PSAPL1: variants seen among roughly 807,000 people sequenced by gnomAD.
PSAPL1 encodes prosaposin like 1, also known as proactivator polypeptide-like 1.
For synonymous variants in PSAPL1, 351 were observed against 291.6 expected (o/e 1.20, Z -2.08); for missense variants, 814 against 688.8 (o/e 1.18, Z -2.03).
rs752804073 is a variant in PSAPL1 at position 7,433,506 on chromosome 4, G to A, written c.1374C>T (p.Asp458=). 18 of 1,603,812 alleles carry A rather than the reference G, an allele frequency of 1.1e-5. 1 individual carries two copies. In the East Asian group the frequency reaches 1.3e-4, roughly 12 times the overall value. Residue 458 remains aspartate, a synonymous_variant, in exon 1 of 1, where the codon GAC becomes GAT. Transcript: ENST00000319098. ...VLIESLKDMM[D]PVAVCKKVGA... ...CCACCTTCTTGCACACAGCCACGGG[G>A]TCCATCATGTCCTTGAGACTCTCAA...
rs1462896897 is a variant in PSAPL1, at chr4:7,433,896, C to T, written c.984G>A (p.Met328Ile). ...TGCACTCCTTCGTGATAGAGGCAGG[C>T]ATTACCGAGCACACGCGCTCCAGGG... is the stretch of plus-strand genomic sequence containing the variant. ...THALERVCSVMPASITKECII... is the reference protein window; with the variant it reads ...THALERVCSVIPASITKECII... The change falls in exon 1 of 1, where the codon ATG (methionine) becomes ATA (isoleucine). Residue 328 changes from methionine (M) to isoleucine (I), a missense_variant. By Grantham distance (10) the Met-to-Ile change is conservative (BLOSUM62 1). Transcript: ENST00000319098. The T allele has an allele frequency of 2.5e-6, 4 of 1,613,860 alleles. No individual in the cohort carries two copies. The highest frequency in any genetic ancestry group is 2.5e-6 in the Non-Finnish European group (3 of 1,179,892).
rs61738677 is a variant in PSAPL1, at chr4:7,433,759, G to T, written c.1121C>A (p.Ala374Glu). 192,224 of 1,613,146 alleles carry T rather than the reference G, an allele frequency of 0.12. 12,603 individuals carry two copies. The highest frequency in any genetic ancestry group is 0.22 in the Middle Eastern group (1,335 of 6,060). ...RLCGNRRRARAVHDAYAIVPS... is the reference protein window; with the variant it reads ...RLCGNRRRAREVHDAYAIVPS... ...CACGATGGCATAGGCATCATGGACT[G>T]CCCGGGCCCGCCTCCGGTTGCCACA... Residue 374 changes from alanine (A) to glutamate (E), a missense_variant, in exon 1 of 1, where the codon GCA becomes GAA. By Grantham distance (107) the Ala-to-Glu change is moderately radical. Transcript: ENST00000319098.
Position 7,431,419 on chromosome 4 carries a change from C to T in PSAPL1, c.*1895G>A, listed in dbSNP as rs1236732437. The T allele has an allele frequency of 6.6e-6, 1 of 152,316 alleles. No homozygotes were observed. Among genetic ancestry groups the T allele is most frequent in the Non-Finnish European group, 1.5e-5 (1 of 68,108 alleles). The allele number at this position is 152,316 out of a possible 1,614,324, so 9.4% of individuals were successfully genotyped here. A position where few individuals can be genotyped will look rare whatever the true frequency, so the allele number is the denominator to read the frequency against. ...CCTGTCGGGGGATTTCAGGTCATGT[C>T]ACACATACTTCCCGGTAGGCATCCT... On this transcript the variant is annotated 3_prime_UTR_variant, in exon 1 of 1. Coordinates refer to ENST00000319098, the MANE Select transcript of PSAPL1 (RefSeq NM_001085382.2).
rs1005953195 is a variant in PSAPL1, at chr4:7,434,549, C to T, written c.331G>A (p.Val111Met). 1.9e-6 allele frequency: 3 copies of T among 1,613,374 alleles called. No individual in the cohort carries two copies. Among genetic ancestry groups the T allele is most frequent in the Non-Finnish European group, 2.5e-6 (3 of 1,179,872 alleles). Reference sequence around the variant, plus strand: ...AGGATGGCCGAACTGTGGGCATCCACCATCCACTTGCATCCGGCTGAAGAC... The same window carrying T: ...AGGATGGCCGAACTGTGGGCATCCATCATCCACTTGCATCCGGCTGAAGAC... ...QESSAGCKWM[V>M]DAHSSAILSM... is the part of the protein sequence containing the mutation. Residue 111 changes from valine (V) to methionine (M), a missense_variant, in exon 1 of 1, where the codon GTG becomes ATG. By Grantham distance (21) the Val-to-Met change is conservative. Transcript: ENST00000319098.
In PSAPL1 at chr4:7,434,524, A is replaced by G. The variant is rs1450120026; in HGVS notation, c.356T>C (p.Leu119Pro). 3 of 1,612,934 alleles carry G rather than the reference A, an allele frequency of 1.9e-6. No homozygotes were observed. The Admixed American group carries it at 5.0e-5, about 27-fold the overall frequency. ...WMVDAHSSAI[L>P]SMLRGAPDSA... ...GTCCGGGGCCCCACGGAGCATGCTC[A>G]GGATGGCCGAACTGTGGGCATCCAC... Residue 119 changes from leucine (L) to proline (P), a missense_variant, in exon 1 of 1, where the codon CTG becomes CCG. By Grantham distance (98) the Leu-to-Pro change is moderately conservative (BLOSUM62 -3). Transcript: ENST00000319098.
chr4:7,434,594 C>T lies in PSAPL1; in HGVS notation c.286G>A (p.Glu96Lys), dbSNP rs1727157332. The change falls in exon 1 of 1, where the codon GAG becomes AAG. Residue 96 changes from glutamate (E) to lysine (K), a missense_variant. Glu to Lys is a moderately conservative substitution (Grantham distance 56). Coordinates refer to ENST00000319098, the MANE Select transcript of PSAPL1 (RefSeq NM_001085382.2). ...GAAGACTCCTGGCTGGGGAGCCACT[C>T]ACAGGTCTTCATCACCAAAGCCAGG... ...DILALVMKTC[E>K]WLPSQESSAG... is the part of the protein sequence containing the mutation. 2 of 1,613,330 alleles carry T rather than the reference C, an allele frequency of 1.2e-6. No individual in the cohort carries two copies. The highest frequency in any genetic ancestry group is 1.7e-6 in the Non-Finnish European group (2 of 1,179,760).
At position 7,430,563 on chromosome 4, in the gene PSAPL1, G is replaced by C. The variant is rs374219079; in HGVS notation, c.*2751C>G. On this transcript the variant is annotated 3_prime_UTR_variant, in exon 1 of 1. Coordinates refer to ENST00000319098, the MANE Select transcript of PSAPL1 (RefSeq NM_001085382.2). ...TCTGAAGAATGCCCAGCATGTGTCT[G>C]GCTGAAGGTGCAGGTACTTGCTCGG... is the stretch of plus-strand genomic sequence containing the variant. 1.6e-4 allele frequency: 25 copies of C among 152,372 alleles called. No individual in the cohort carries two copies. In the East Asian group the frequency reaches 4.8e-3, roughly 29 times the overall value. The allele number at this position is 152,372 out of a possible 1,614,324, so 9.4% of individuals were successfully genotyped here.
In PSAPL1 at chr4:7,434,754, C is replaced by T. The variant is rs977780035; in HGVS notation, c.126G>A (p.Arg42=). 1.9e-6 allele frequency: 3 copies of T among 1,613,000 alleles called. No homozygotes were observed. The African/African-American group carries it at 4.0e-5, about 22-fold the overall frequency. ...CTTGGCAGTACCCCACAGCCCCGCACCTGGCAGCTGTCTGCAGATCCTGAC... is the reference window on the plus strand; with the variant it reads ...CTTGGCAGTACCCCACAGCCCCGCATCTGGCAGCTGTCTGCAGATCCTGAC... The part of the protein sequence containing the change: ...VWCQDLQTAA[R]CGAVGYCQGA... The change falls in exon 1 of 1, where the codon AGG becomes AGA. Residue 42 remains arginine, a synonymous_variant. Transcript: ENST00000319098.
Position 7,433,722 on chromosome 4 carries a change from C to T in PSAPL1, c.1158G>A (p.Glu386=), listed in dbSNP as rs745714374. The T allele has an allele frequency of 6.2e-7, 1 of 1,613,292 alleles. No homozygotes were observed. The highest frequency in any genetic ancestry group is 1.1e-5 in the South Asian group (1 of 91,070). ...HDAYAIVPSP[E]WDAENQGSFC... ...AGCTGCCCTGGTTCTCCGCGTCCCA[C>T]TCTGGGGACGGCACGATGGCATAGG... The change falls in exon 1 of 1, where the codon GAG becomes GAA. Residue 386 remains glutamate, a synonymous_variant. Transcript: ENST00000319098.
chr4:7,433,044 T>G lies in PSAPL1; in HGVS notation c.*270A>C. 3 of 299,134 alleles carry G rather than the reference T, an allele frequency of 1.0e-5. No homozygotes were observed. Among genetic ancestry groups the G allele is most frequent in the Middle Eastern group, 9.0e-4 (1 of 1,114 alleles). 18.5% of individuals were successfully genotyped at this position (299,134 alleles called of 1,614,324 possible). A position where few individuals can be genotyped will look rare whatever the true frequency, so the allele number is the denominator to read the frequency against. Reference sequence around the variant, plus strand: ...GGGACCACCGGCAACATCTCAGCCTTGGAGATGAGAGGGCAGCCTTGGCTG... The same window carrying G: ...GGGACCACCGGCAACATCTCAGCCTGGGAGATGAGAGGGCAGCCTTGGCTG... On this transcript the variant is annotated 3_prime_UTR_variant, in exon 1 of 1. Transcript: ENST00000319098.
In PSAPL1 at chr4:7,433,744, T is replaced by C. The variant is rs773480754; in HGVS notation, c.1136A>G (p.Tyr379Cys). The change falls in exon 1 of 1, where the codon TAT (tyrosine) becomes TGT (cysteine). Residue 379 changes from tyrosine to cysteine, a missense_variant. Coordinates refer to ENST00000319098, the MANE Select transcript of PSAPL1 (RefSeq NM_001085382.2). The stretch of plus-strand genomic sequence containing the variant: ...CCACTCTGGGGACGGCACGATGGCA[T>C]AGGCATCATGGACTGCCCGGGCCCG... ...RRRARAVHDA[Y>C]AIVPSPEWDA... is the part of the protein sequence containing the mutation. The C allele has an allele frequency of 2.5e-6, 4 of 1,613,194 alleles. No homozygotes were observed. Among genetic ancestry groups the C allele is most frequent in the East Asian group, 2.2e-5 (1 of 44,884 alleles).
Position 7,434,442 on chromosome 4 carries a change from G to C in PSAPL1, c.438C>G (p.His146Gln), listed in dbSNP as rs772157055. Residue 146 changes from histidine to glutamine, a missense_variant, in exon 1 of 1, where the codon CAC (histidine) becomes CAG (glutamine). Physicochemically the swap from His to Gln is conservative, Grantham distance 24. Transcript: ENST00000319098. ...TGGAGAGTGGCCTCAGGGTGGCCAG[G>C]TGCCTCTGCAGCGGCTCACAGAGGC... ...ALSLCEPLQR[H>Q]LATLRPLSKE... is the part of the protein sequence containing the mutation. 1 of 1,610,182 alleles carries C rather than the reference G, an allele frequency of 6.2e-7. No individual in the cohort carries two copies. Among genetic ancestry groups the C allele is most frequent in the Non-Finnish European group, 8.5e-7 (1 of 1,179,022 alleles).
chr4:7,434,471 G>C lies in PSAPL1; in HGVS notation c.409C>G (p.Leu137Val), dbSNP rs537105636. 1 of 1,611,540 alleles carries C rather than the reference G, an allele frequency of 6.2e-7. No homozygotes were observed. Among genetic ancestry groups the C allele is most frequent in the Non-Finnish European group, 8.5e-7 (1 of 1,179,610 alleles). The change falls in exon 1 of 1, where the codon CTC becomes GTC. Residue 137 changes from leucine to valine, a missense_variant. Transcript: ENST00000319098. ...CTCTGCAGCGGCTCACAGAGGCTGA[G>C]CGCTGTGCACACCTGTGCCGGGGCA... ...DSAPAQVCTALSLCEPLQRHL... is the reference protein window; with the variant it reads ...DSAPAQVCTAVSLCEPLQRHL...
Position 7,433,598 on chromosome 4 carries a change from T to C in PSAPL1, c.1282A>G (p.Ser428Gly), listed in dbSNP as rs1242552799. Residue 428 changes from serine (S) to glycine (G), a missense_variant, in exon 1 of 1, where the codon AGC becomes GGC. Physicochemically the swap from Ser to Gly is moderately conservative, Grantham distance 56. Transcript: ENST00000319098. ...DILVAFKGGC[S>G]ILPLPYMIQC... ...ATCATATAGGGCAGCGGCAGGATGC[T>C]GCAGCCACCCTTGAAGGCCACCAGG... 1.2e-6 allele frequency: 2 copies of C among 1,611,796 alleles called. No homozygotes were observed. Among genetic ancestry groups the C allele is most frequent in the Admixed American group, 3.3e-5 (2 of 59,736 alleles).
the PSAPL1 span, chr4:7,434,136 G>T: frequency 1.2e-5 from 20 of 1,613,544 alleles, no homozygotes; most frequent in African/African-American, 2.5e-4. Context: ...CCCCCTTCCT[G>T]CAGAGCTCCT....
Position 7,433,875 on chromosome 4 carries a change from C to A in PSAPL1, c.1005G>T (p.Glu335Asp). ...TGTAGGTGTCCACCAAGATGATGCA[C>A]TCCTTCGTGATAGAGGCAGGCATTA... ...CSVMPASITKECIILVDTYSP... is the reference protein window; with the variant it reads ...CSVMPASITKDCIILVDTYSP... The change falls in exon 1 of 1, where the codon GAG (glutamate) becomes GAT (aspartate). Residue 335 changes from glutamate to aspartate, a missense_variant. Transcript: ENST00000319098. 1 of 1,613,940 alleles carries A rather than the reference C, an allele frequency of 6.2e-7. No homozygotes were observed. The highest frequency in any genetic ancestry group is 8.5e-7 in the Non-Finnish European group (1 of 1,179,904).
Position 7,432,133 on chromosome 4 carries a change from C to A in PSAPL1, c.*1181G>T, listed in dbSNP as rs990678316. ...GAGCACTTGAACCCAGATGGAAACC[C>A]CCCCCGGAGGCTTTCTGCCAGAGGG... On this transcript the variant is annotated 3_prime_UTR_variant, in exon 1 of 1. Transcript: ENST00000319098. 1 of 152,362 alleles carries A rather than the reference C, an allele frequency of 6.6e-6. No individual in the cohort carries two copies. Among genetic ancestry groups the A allele is most frequent in the Non-Finnish European group, 1.5e-5 (1 of 68,232 alleles). The allele number at this position is 152,362 out of a possible 1,614,324, so 9.4% of individuals were successfully genotyped here.
At chr4:7,434,627 AC>A in the PSAPL1 span, 7 of 1,613,142 alleles carry the variant, frequency 4.3e-6, no homozygotes, top group Admixed American at 1.7e-5. Context: ...AGGATGTCAG[AC>A]TCCGTGGCGT....
Position 7,434,074 on chromosome 4 carries a change from A to G in PSAPL1, c.806T>C (p.Met269Thr). ...APARLTQVVA[M>T]DGVPSLELGL... ...CAGCTCCAGGGAGGGGACCCCGTCC[A>G]TGGCCACTACTTGAGTCAAACGGGC... The change falls in exon 1 of 1, where the codon ATG becomes ACG. Residue 269 changes from methionine to threonine, a missense_variant. Coordinates refer to ENST00000319098, the MANE Select transcript of PSAPL1 (RefSeq NM_001085382.2). 1.2e-6 allele frequency: 2 copies of G among 1,611,646 alleles called. No individual in the cohort carries two copies. The highest frequency in any genetic ancestry group is 1.7e-6 in the Non-Finnish European group (2 of 1,178,256).
Sources: allele counts gnomAD v4.1 joint callset, GRCh38; gene constraint gnomAD v4.1.1; transcripts MANE v1.5; gene names NCBI Gene and HGNC (gene_info 2026-07-23, HGNC 2026-07-21).